Variants in UBE2G1 observed in about 807,000 individuals in gnomAD.
UBE2G1 encodes the protein ubiquitin conjugating enzyme E2 G1.
A neutral mutation model predicts 22.7 loss-of-function variants in UBE2G1; 5 were observed. That is an observed-to-expected ratio of 0.22 (90% CI 0.12 to 0.46). The LOEUF (loss-of-function observed/expected upper bound fraction) is 0.46. UBE2G1 is among the 20% of genes least tolerant of loss of function. UBE2G1 has a pLI of 0.99. For synonymous variants in UBE2G1, 74 were observed against 67.5 expected, an observed-to-expected ratio of 1.10 and a Z score of -0.47; for missense variants, 88 against 203.9, an observed-to-expected ratio of 0.43 and a Z score of 3.46.
intron 1 of UBE2G1, among the ~76,000 whole-genome samples, chr17:4,340,913 C>G (rs55797988): frequency 1.5e-5 from 2 of 131,442 alleles, no homozygotes; most frequent in Non-Finnish European, 3.2e-5. Flanking sequence ...AAAAAAAAAA[C>G]AAAACCTTCA....
chr17:4,316,955 A>AAT (rs1187507467), intron 1 of UBE2G1, among the ~76,000 whole-genome samples: 2 of 151,714 alleles, frequency 1.3e-5, no homozygotes, highest in Non-Finnish European at 2.9e-5. Context: ...AAAAAAAAAA[A>AAT]AAATCAAGGC....
chr17:4,316,866 G>C (rs1567522093), intron 1 of UBE2G1, among the ~76,000 whole-genome samples: 1 of 149,592 alleles, frequency 6.7e-6, no homozygotes, highest in African/African-American at 2.5e-5. Context: ...TTTGGGCCCG[G>C]AAGTTTGAGG....
intron 1 of UBE2G1, among the ~76,000 whole-genome samples, chr17:4,321,447 G>A (rs1171098107): frequency 1.3e-5 from 2 of 151,974 alleles, no homozygotes; most frequent in East Asian, 3.9e-4. Context: ...TACATTGAGT[G>A]ATTCTCTTTT....
chr17:4,280,225 C>T lies in UBE2G1; in HGVS notation c.*37+2573G>A, dbSNP rs192170837. ...TAATTTTTTGTATATCTGGTAGAGA[C>T]GAGGTTTCACCATGTTGGCCAGGCT... On this transcript the variant is annotated intron_variant, in intron 5 of 5. Coordinates refer to ENST00000396981, the MANE Select transcript of UBE2G1 (RefSeq NM_003342.5). 2.0e-3 allele frequency among the ~76,000 whole-genome samples: 301 copies of T among 149,514 alleles called. 1 individual carries two copies. Among genetic ancestry groups the T allele is most frequent in the Non-Finnish European group, 3.3e-3 (222 of 67,626 alleles).
chr17:4,357,798 C>CA (rs998135262), intron 1 of UBE2G1, among the ~76,000 whole-genome samples: 12 of 150,594 alleles, frequency 8.0e-5, no homozygotes, highest in African/African-American at 1.9e-4. Context: ...AACTCTGTCT[C>CA]AAAAAAAACA....
chr17:4,285,916 A>G (rs1266976492), intron 4 of UBE2G1, among the ~76,000 whole-genome samples: 3 of 151,238 alleles, frequency 2.0e-5, no homozygotes, highest in African/African-American at 7.3e-5. Flanking sequence ...GCACCACTGC[A>G]CTCCAGCCTG....
At chr17:4,315,619 A>C (rs575345176) in intron 1 of UBE2G1, among the ~76,000 whole-genome samples, 375 of 150,680 alleles carry the variant, frequency 2.5e-3, no homozygotes, top group Middle Eastern at 6.9e-3. Flanking sequence ...GGGCGCCTGT[A>C]GTCCCAGCTA....
At chr17:4,301,153 G>C (rs893137177) in intron 2 of UBE2G1, among the ~76,000 whole-genome samples, 4 of 152,096 alleles carry the variant, frequency 2.6e-5, no homozygotes, top group African/African-American at 7.2e-5. Flanking sequence ...GCTCAACATT[G>C]TTCTATTAAT....
intron 3 of UBE2G1, among the ~76,000 whole-genome samples, chr17:4,293,423 C>G (rs1181342541): frequency 1.3e-5 from 2 of 152,168 alleles, no homozygotes. Context: ...TATTTATCAG[C>G]TGATAGACAT....
At chr17:4,321,754 C>T (rs1038386799) in intron 1 of UBE2G1, among the ~76,000 whole-genome samples, 1 of 152,006 alleles carries the variant, frequency 6.6e-6, no homozygotes, top group African/African-American at 2.4e-5. Flanking sequence ...ACCCAAGTGC[C>T]GGGATTACAG....
intron 1 of UBE2G1, among the ~76,000 whole-genome samples, chr17:4,361,125 A>C (rs8064474): frequency 0.047 from 7,118 of 152,028 alleles, 597 homozygotes; most frequent in African/African-American, 0.16. Flanking sequence ...TGGGAGGCTA[A>C]AGCAGGAGAA....
intron 1 of UBE2G1, among the ~76,000 whole-genome samples, chr17:4,317,199 A>T (rs751343428): frequency 5.3e-5 from 8 of 152,016 alleles, no homozygotes; most frequent in Non-Finnish European, 1.0e-4. Flanking sequence ...AAAATACAAA[A>T]ATTAGCCAGG....
At chr17:4,365,016 T>C (rs1459864138) in intron 1 of UBE2G1, among the ~76,000 whole-genome samples, 1 of 152,258 alleles carries the variant, frequency 6.6e-6, no homozygotes, top group Non-Finnish European at 1.5e-5. Flanking sequence ...CATGGTCTAA[T>C]AATAAACCCA....
At chr17:4,346,990 T>C (rs1274454470) in intron 1 of UBE2G1, among the ~76,000 whole-genome samples, 1 of 151,572 alleles carries the variant, frequency 6.6e-6, no homozygotes, top group African/African-American at 2.4e-5. Flanking sequence ...CCGTCTCTAC[T>C]AAAAATACAA....
intron 5 of UBE2G1, among the ~76,000 whole-genome samples, chr17:4,275,243 T>G (rs905635345): frequency 6.6e-6 from 1 of 152,208 alleles, no homozygotes; most frequent in African/African-American, 2.4e-5. Flanking sequence ...AAATTCTAAA[T>G]AGAGACAAGG....
At chr17:4,324,525 T>C (rs1969478685) in intron 1 of UBE2G1, among the ~76,000 whole-genome samples, 1 of 152,166 alleles carries the variant, frequency 6.6e-6, no homozygotes, top group Non-Finnish European at 1.5e-5. Flanking sequence ...ATGTTTCTAT[T>C]AGATAGTACT....
chr17:4,343,673 CCGCCTCCTGGGTTCA>C (rs1969736611), intron 1 of UBE2G1, among the ~76,000 whole-genome samples: 1 of 151,950 alleles, frequency 6.6e-6, no homozygotes, highest in African/African-American at 2.4e-5. Flanking sequence ...ACTGCAAGCT[CCGCCTCCTGGGTTCA>C]CGCCATTCTC....
chr17:4,312,399 A>G (rs1330889401), intron 1 of UBE2G1, among the ~76,000 whole-genome samples: 1 of 152,154 alleles, frequency 6.6e-6, no homozygotes, highest in East Asian at 1.9e-4. Flanking sequence ...AACAACTGAG[A>G]AACAAAAAAC....
intron 1 of UBE2G1, among the ~76,000 whole-genome samples, chr17:4,320,050 G>C (rs1598193023): frequency 6.6e-6 from 1 of 151,520 alleles, no homozygotes; most frequent in African/African-American, 2.4e-5. Context: ...TGTTGCCATT[G>C]GTCCTATTTT....
Sources: gnomAD v4.1 joint callset for allele counts (sites outside exome capture counted in the v4.1 genomes callset) on GRCh38, gnomAD v4.1.1 for gene constraint, MANE v1.5 for transcripts, NCBI Gene and HGNC (gene_info 2026-07-23, HGNC 2026-07-21) for gene names.